The following HMCN1 variants were observed in gnomAD, a reference collection of about 807,000 sequenced individuals.
HMCN1 encodes the protein hemicentin 1, also known as hemicentin-1.
A neutral mutation model predicts 625.9 loss-of-function variants in HMCN1; 321 were observed. The ratio of observed to expected loss-of-function variants is 0.51; its 90% CI spans 0.47 to 0.56. HMCN1 has a LOEUF of 0.56. Ranked by LOEUF, HMCN1 falls within the 20% of genes least tolerant of loss-of-function variation. HMCN1 has a pLI of 0.00. For missense variants in HMCN1, 6,588 were observed against 6,887.3 expected (o/e 0.96, Z 1.54); for synonymous variants, 2,425 against 2,417.6 (o/e 1.00, Z -0.09).
intron 7 of HMCN1, 61 bp downstream of exon 7, chr1:185,922,560 A>C (rs1244005584): frequency 7.0e-7 from 1 of 1,427,490 alleles, no homozygotes; most frequent in Non-Finnish European, 9.7e-7. Flanking sequence ...AATATTTCTC[A>C]GACTGTCTAT....
intron 97 of HMCN1, among the ~76,000 whole-genome samples, chr1:186,163,285 A>T (rs1247225524): frequency 2.6e-5 from 4 of 152,128 alleles, no homozygotes; most frequent in African/African-American, 9.7e-5. Context: ...GGTGGGAGTG[A>T]CCCGATTTTC....
chr1:185,978,315 G>T (rs1450428998), intron 16 of HMCN1, among the ~76,000 whole-genome samples: 1 of 152,016 alleles, frequency 6.6e-6, no homozygotes, highest in Non-Finnish European at 1.5e-5. Flanking sequence ...AACAATTGTT[G>T]TATAGAAAGA....
At chr1:186,057,031 TCACACACACA>T (rs59926356) in intron 45 of HMCN1, among the ~76,000 whole-genome samples, 193 bp from the exon 46 acceptor site, 6 of 147,930 alleles carry the variant, frequency 4.1e-5, no homozygotes, top group African/African-American at 1.2e-4. Flanking sequence ...TCCAGGAATG[TCACACACACA>T]CACACACACA....
At chr1:186,176,253 C>G (rs973841406) in intron 103 of HMCN1, among the ~76,000 whole-genome samples, 1 of 152,132 alleles carries the variant, frequency 6.6e-6, no homozygotes, top group Non-Finnish European at 1.5e-5. Flanking sequence ...GGAAAATGTG[C>G]TTGGCTTGTT....
chr1:185,984,465 G>A (rs888400197), intron 19 of HMCN1, 152 bp downstream of exon 19: 1 of 872,418 alleles, frequency 1.1e-6, no homozygotes, highest in Non-Finnish European at 1.8e-6. Flanking sequence ...CATTGTTAAT[G>A]TTGTTTCCAG....
intron 35 of HMCN1, 93 bp downstream of exon 35, chr1:186,019,788 G>T: frequency 6.4e-6 from 7 of 1,102,134 alleles, no homozygotes; most frequent in Non-Finnish European, 9.1e-6. Flanking sequence ...AGATTTTCCT[G>T]TTGGACAGAT....
intron 1 of HMCN1, among the ~76,000 whole-genome samples, chr1:185,802,242 G>A (rs998421842): frequency 6.6e-6 from 1 of 152,094 alleles, no homozygotes; most frequent in African/African-American, 2.4e-5. Flanking sequence ...TCATAGACAT[G>A]GGAACCAGTA....
intron 11 of HMCN1, among the ~76,000 whole-genome samples, chr1:185,953,513 A>C (rs940393488): frequency 3.3e-5 from 5 of 151,912 alleles, no homozygotes; most frequent in African/African-American, 1.2e-4. Context: ...AAAGGAATTG[A>C]AATTAAGAGA....
intron 4 of HMCN1, among the ~76,000 whole-genome samples, chr1:185,876,324 G>A (rs1216415011): frequency 6.6e-6 from 1 of 151,894 alleles, no homozygotes; most frequent in Non-Finnish European, 1.5e-5. Context: ...ATTGATGAAC[G>A]CTTTGGTTTA....
At chr1:185,988,588 C>T (rs1355324494) in intron 20 of HMCN1, among the ~76,000 whole-genome samples, 1 of 152,218 alleles carries the variant, frequency 6.6e-6, no homozygotes, top group African/African-American at 2.4e-5. Flanking sequence ...TGCGCAGTAA[C>T]TAGCACTGAG....
At chr1:186,127,491 C>T (rs1182221178) in intron 82 of HMCN1, among the ~76,000 whole-genome samples, 1 of 151,940 alleles carries the variant, frequency 6.6e-6, no homozygotes, top group East Asian at 1.9e-4. Flanking sequence ...AAGCAGCAGC[C>T]AGTGAGATAG....
chr1:185,959,810 T>C (rs1649882102), intron 11 of HMCN1, among the ~76,000 whole-genome samples: 1 of 152,174 alleles, frequency 6.6e-6, no homozygotes, highest in Admixed American at 6.5e-5. Flanking sequence ...GGGTTTTACA[T>C]TGCAAATAAA....
At chr1:185,826,742 A>C (rs1052872377) in intron 1 of HMCN1, among the ~76,000 whole-genome samples, 1 of 152,156 alleles carries the variant, frequency 6.6e-6, no homozygotes, top group African/African-American at 2.4e-5. Flanking sequence ...TGATTGAGGA[A>C]GTGTAAAAAG....
chr1:186,152,032 CAAACAAAGAA>C (rs1450223558), intron 95 of HMCN1, among the ~76,000 whole-genome samples: 1 of 151,932 alleles, frequency 6.6e-6, no homozygotes, highest in Admixed American at 6.6e-5. Flanking sequence ...TATTAAAGAC[CAAACAAAGAA>C]GGAAAATGAG....
intron 1 of HMCN1, among the ~76,000 whole-genome samples, chr1:185,764,196 A>G (rs571964397): frequency 6.6e-6 from 1 of 152,294 alleles, no homozygotes; most frequent in South Asian, 2.1e-4. Flanking sequence ...AGAGAAGCCT[A>G]TGTTCTTTTC....
In HMCN1 at chr1:186,092,011, GA is replaced by G. The variant is rs1659867755; in HGVS notation, c.9887+1095del. On this transcript the variant is annotated intron_variant, in intron 64 of 106. Coordinates refer to ENST00000271588, the MANE Select transcript of HMCN1 (RefSeq NM_031935.3). ...ATCAGCTGGTATTTGCCATATTCCA[GA>G]CCAAGTACTACATATTTGATGGTAC... 2.0e-5 allele frequency among the ~76,000 whole-genome samples: 3 copies of G among 151,918 alleles called. No individual in the cohort carries two copies. The South Asian group carries it at 6.2e-4, about 32-fold the overall frequency.
chr1:185,848,725 G>A (rs375057815), intron 2 of HMCN1, among the ~76,000 whole-genome samples: 1 of 152,004 alleles, frequency 6.6e-6, no homozygotes, highest in African/African-American at 2.4e-5. Context: ...TGATGTTATA[G>A]TATTCTGGTT....
chr1:185,969,586 T>C (rs962685991), intron 14 of HMCN1, among the ~76,000 whole-genome samples: 5 of 152,168 alleles, frequency 3.3e-5, no homozygotes, highest in African/African-American at 4.8e-5. Context: ...TTTTGGAGAA[T>C]ACCTTTTCAG....
rs138628141 is a variant in HMCN1, at chr1:186,182,045, CAT to C, written c.16295-122_16295-121del. On this transcript the variant is annotated intron_variant, in intron 104 of 106. Coordinates refer to ENST00000271588, the MANE Select transcript of HMCN1 (RefSeq NM_031935.3). ...AAATAGCTCTGAGCATTTTTTAACA[CAT>C]GAGTATAAAATCACCAAGAAGTTTT... 1.1e-3 allele frequency: 1,114 copies of C among 1,042,748 alleles called. 7 individuals carry two copies. In the African/African-American group the frequency reaches 0.014, roughly 13 times the overall value. 64.6% of individuals were successfully genotyped at this position (1,042,748 alleles called of 1,614,324 possible). A position where few individuals can be genotyped will look rare whatever the true frequency, so the allele number is the denominator to read the frequency against.
Sources: allele counts gnomAD v4.1 joint callset (sites outside exome capture counted in the v4.1 genomes callset), GRCh38; gene constraint gnomAD v4.1.1; transcripts MANE v1.5; gene names NCBI Gene and HGNC (gene_info 2026-07-23, HGNC 2026-07-21).